The following CBFA2T2 variants were observed in gnomAD, a reference collection of about 807,000 sequenced individuals.
CBFA2T2 encodes CBFA2/RUNX1 partner transcriptional co-repressor 2.
A neutral mutation model predicts 62.2 loss-of-function variants in CBFA2T2; 11 were observed. The ratio of observed to expected loss-of-function variants is 0.18; its 90% confidence interval spans 0.11 to 0.29. The LOEUF (loss-of-function observed/expected upper bound fraction) is 0.29. Among genes scored for constraint, CBFA2T2 ranks in the 10% least tolerant of loss-of-function variants. The pLI is 1.00. For missense variants in CBFA2T2, 592 were observed against 774.1 expected (o/e 0.76, Z 2.79); for synonymous variants, 295 against 287.5 (o/e 1.03, Z -0.27).
At chr20:33,504,106 G>A (rs1770917022) in intron 1 of CBFA2T2, among the ~76,000 whole-genome samples, 2 of 151,888 alleles carry the variant, frequency 1.3e-5, no homozygotes, top group African/African-American at 4.8e-5. Flanking sequence ...TTTCTATAAT[G>A]TCATATACAT....
At chr20:33,498,876 C>T (rs911840040) in intron 1 of CBFA2T2, among the ~76,000 whole-genome samples, 1 of 151,972 alleles carries the variant, frequency 6.6e-6, no homozygotes, top group Non-Finnish European at 1.5e-5. Flanking sequence ...AACCCCGTCT[C>T]TTCTAAAAAT....
At chr20:33,606,893 ATTG>A (rs1238064939) in intron 1 of CBFA2T2, 60 bp from the exon 2 acceptor site, 6 of 1,534,734 alleles carry the variant, frequency 3.9e-6, no homozygotes, top group East Asian at 2.3e-5. Flanking sequence ...GGTATTTCAA[ATTG>A]TTGTCTGTTT....
intron 8 of CBFA2T2, among the ~76,000 whole-genome samples, chr20:33,632,396 C>T (rs2016484615): frequency 6.6e-6 from 1 of 151,640 alleles, no homozygotes; most frequent in Non-Finnish European, 1.5e-5. Context: ...TATGTTATAC[C>T]AATAATCATA....
chr20:33,519,455 G>GC (rs778358852), intron 1 of CBFA2T2, among the ~76,000 whole-genome samples: 14 of 152,158 alleles, frequency 9.2e-5, no homozygotes, highest in Non-Finnish European at 1.8e-4. Flanking sequence ...GGGCAACAGT[G>GC]CGAGACTCTG....
At chr20:33,551,688 C>T (rs1055899170) in intron 1 of CBFA2T2, among the ~76,000 whole-genome samples, 8 of 151,822 alleles carry the variant, frequency 5.3e-5, no homozygotes, top group South Asian at 4.2e-4. Flanking sequence ...TGTGTCACCA[C>T]GCCCGGCTAA....
intron 1 of CBFA2T2, among the ~76,000 whole-genome samples, chr20:33,563,538 T>C (rs2013168443): frequency 6.6e-6 from 1 of 152,142 alleles, no homozygotes; most frequent in East Asian, 1.9e-4. Flanking sequence ...ATTGTATTCA[T>C]GTTTTTGAGG....
intron 4 of CBFA2T2, among the ~76,000 whole-genome samples, chr20:33,620,246 AC>A (rs1244678169): frequency 6.6e-6 from 1 of 152,102 alleles, no homozygotes; most frequent in Non-Finnish European, 1.5e-5. Flanking sequence ...GGTGGTTCAC[AC>A]CTATAATCCC....
chr20:33,492,074 G>T (rs1008212434), intron 1 of CBFA2T2, among the ~76,000 whole-genome samples: 4 of 151,970 alleles, frequency 2.6e-5, no homozygotes, highest in Non-Finnish European at 5.9e-5. Context: ...AGTAGAGACG[G>T]TTTTACCATG....
intron 1 of CBFA2T2, among the ~76,000 whole-genome samples, chr20:33,549,523 T>G (rs2012675277): frequency 6.6e-6 from 1 of 152,200 alleles, no homozygotes; most frequent in South Asian, 2.1e-4. Flanking sequence ...CTTTCATTTA[T>G]GTGAAATGTC....
chr20:33,580,303 T>A (rs2014054225), intron 1 of CBFA2T2, among the ~76,000 whole-genome samples: 2 of 152,226 alleles, frequency 1.3e-5, no homozygotes, highest in Non-Finnish European at 2.9e-5. Context: ...TATCTAATAG[T>A]TGGTTTTACT....
intron 1 of CBFA2T2, among the ~76,000 whole-genome samples, chr20:33,542,383 G>A (rs2012430878): frequency 6.6e-6 from 1 of 152,032 alleles, no homozygotes; most frequent in Non-Finnish European, 1.5e-5. Flanking sequence ...AGGTTTTTGT[G>A]TTTACATGAA....
chr20:33,609,074 C>T (rs1038663422), intron 2 of CBFA2T2, among the ~76,000 whole-genome samples: 3 of 152,204 alleles, frequency 2.0e-5, no homozygotes, highest in African/African-American at 4.8e-5. Flanking sequence ...TTTTCCTAAA[C>T]ACCCTTTGCT....
Position 33,594,151 on chromosome 20 carries a change from A to G in CBFA2T2, c.35-12805A>G, listed in dbSNP as rs138368097. Among the ~76,000 whole-genome samples the G allele has an allele frequency of 1.8e-3, 281 of 152,344 alleles. 1 individual carries two copies. The highest frequency in any genetic ancestry group is 6.6e-3 in the African/African-American group (273 of 41,582). Reference sequence around the variant, plus strand: ...AGATGACAGTGGCTAAATTCTAGCAATAGAGATGGGAGACATGACATACTG... The same window carrying G: ...AGATGACAGTGGCTAAATTCTAGCAGTAGAGATGGGAGACATGACATACTG... On this transcript the variant is annotated intron_variant, in intron 1 of 10. Coordinates refer to ENST00000342704, the MANE Select transcript of CBFA2T2 (RefSeq NM_001032999.3).
chr20:33,606,841 A>G lies in CBFA2T2; in HGVS notation c.35-115A>G, dbSNP rs142447450. 2.4e-4 allele frequency: 222 copies of G among 935,754 alleles called. 1 individual carries two copies. In the African/African-American group the frequency reaches 3.2e-3, roughly 13 times the overall value. 58.0% of individuals were successfully genotyped at this position (935,754 alleles called of 1,614,324 possible). On this transcript the variant is annotated intron_variant, in intron 1 of 10. Coordinates refer to ENST00000342704, the MANE Select transcript of CBFA2T2 (RefSeq NM_001032999.3). ...TGGACATATCTTTTAGGGGGTCACTATTCAGCCTATTATACCAAGCAGTCC... is the reference window on the plus strand; with the variant it reads ...TGGACATATCTTTTAGGGGGTCACTGTTCAGCCTATTATACCAAGCAGTCC...
rs554876594 is a variant in CBFA2T2, at chr20:33,587,470, G to C, written c.35-19486G>C. Among the ~76,000 whole-genome samples, 3 of 151,300 alleles carry C rather than the reference G, an allele frequency of 2.0e-5. No individual in the cohort carries two copies. In the East Asian group the frequency reaches 5.9e-4, roughly 30 times the overall value. ...TTTGGTAGAGACAGGCTTTCACCGT[G>C]TTAGCCAGGATGGTCTTGATCTTCT... On this transcript the variant is annotated intron_variant, in intron 1 of 10. Coordinates refer to ENST00000342704, the MANE Select transcript of CBFA2T2 (RefSeq NM_001032999.3).
At chr20:33,525,753 G>A (rs535088413) in intron 1 of CBFA2T2, among the ~76,000 whole-genome samples, 1 of 152,202 alleles carries the variant, frequency 6.6e-6, no homozygotes, top group South Asian at 2.1e-4. Context: ...CTGGGCTCAA[G>A]CAATTCTCCC....
chr20:33,633,475 A>T (rs1044943296), intron 8 of CBFA2T2, among the ~76,000 whole-genome samples: 1 of 152,196 alleles, frequency 6.6e-6, no homozygotes, highest in Non-Finnish European at 1.5e-5. Flanking sequence ...ATTTGGAGAG[A>T]AATTGACTAG....
chr20:33,634,409 C>T (rs545224451), intron 8 of CBFA2T2, among the ~76,000 whole-genome samples: 7 of 152,068 alleles, frequency 4.6e-5, no homozygotes, highest in African/African-American at 1.2e-4. Flanking sequence ...TGGTGGCTGA[C>T]GCCAGTAATC....
At chr20:33,549,939 T>G (rs984343217) in intron 1 of CBFA2T2, among the ~76,000 whole-genome samples, 1 of 151,098 alleles carries the variant, frequency 6.6e-6, no homozygotes. Flanking sequence ...CACTGGCAGT[T>G]GGGGTTCATG....
Sources: gnomAD v4.1 joint callset for allele counts (sites outside exome capture counted in the v4.1 genomes callset) on GRCh38, gnomAD v4.1.1 for gene constraint, MANE v1.5 for transcripts, NCBI Gene and HGNC (gene_info 2026-07-23, HGNC 2026-07-21) for gene names.